The following DYM variants were observed in gnomAD, a reference collection of about 807,000 sequenced individuals.
DYM encodes dymeclin, also known as dyggve-Melchior-Clausen syndrome protein.
Under a neutral mutation model 93.1 loss-of-function variants are expected in DYM, and 78 were observed. That is an observed-to-expected ratio of 0.84 (90% CI 0.70 to 1.01). The LOEUF (loss-of-function observed/expected upper bound fraction) is 1.01. DYM is among the 50% of genes least tolerant of loss of function. The probability of loss-of-function intolerance (pLI) is 0.00; values close to 1 mark genes in which losing one functional copy is unlikely to be tolerated. For synonymous variants in DYM, 321 were observed against 319.7 expected (o/e 1.00, Z -0.04); for missense variants, 789 against 845.0 (o/e 0.93, Z 0.82).
At chr18:49,334,282 T>C (rs557500622) in intron 6 of DYM, among the ~76,000 whole-genome samples, 83 of 151,884 alleles carry the variant, frequency 5.5e-4, no homozygotes, top group African/African-American at 2.0e-3. Flanking sequence ...ATGTTGATGA[T>C]CACTTTACAA....
At chr18:49,452,881 T>C (rs1166322429) in intron 1 of DYM, among the ~76,000 whole-genome samples, 1 of 133,656 alleles carries the variant, frequency 7.5e-6, no homozygotes, top group Non-Finnish European at 1.6e-5. Flanking sequence ...GATACACCAA[T>C]CAGCACTCTG....
Position 49,258,424 on chromosome 18 carries a change from G to C in DYM, c.1321C>G (p.Leu441Val), listed in dbSNP as rs1270729248. 6.2e-7 allele frequency: 1 copy of C among 1,613,318 alleles called. No homozygotes were observed. Among genetic ancestry groups the C allele is most frequent in the South Asian group, 1.1e-5 (1 of 91,070 alleles). ...TATTGAATGGTTCTTATTACCACCA[G>C]GATCAGGAGACTCCCCAAGGAGATT... is the stretch of plus-strand genomic sequence containing the variant. ...TEISLGSLLI[L>V]VVIRTIQYNM... The change falls in exon 12 of 18, where the codon CTG (leucine) becomes GTG (valine). Residue 441 changes from leucine (L) to valine (V), a missense_variant. Transcript: ENST00000675505.
At chr18:49,405,234 T>C (rs1599971605) in intron 2 of DYM, among the ~76,000 whole-genome samples, 1 of 152,320 alleles carries the variant, frequency 6.6e-6, no homozygotes, top group South Asian at 2.1e-4. Context: ...GCTGTGCAGA[T>C]GCTCGTTAGT....
chr18:49,151,571 C>G (rs1048997075), intron 15 of DYM, among the ~76,000 whole-genome samples: 3 of 152,074 alleles, frequency 2.0e-5, no homozygotes, highest in Non-Finnish European at 4.4e-5. Flanking sequence ...TTTAATAACC[C>G]TCATAATAGC....
intron 6 of DYM, among the ~76,000 whole-genome samples, chr18:49,339,443 T>C (rs1232953140): frequency 2.0e-5 from 3 of 152,210 alleles, no homozygotes; most frequent in Non-Finnish European, 4.4e-5. Context: ...ACGATGTGTG[T>C]TGAGTAGCCC....
At chr18:49,118,182 A>G (rs1461631760) in intron 16 of DYM, among the ~76,000 whole-genome samples, 5 of 151,818 alleles carry the variant, frequency 3.3e-5, no homozygotes, top group Admixed American at 1.3e-4. Context: ...GCCCACAGGC[A>G]TAAATTCTAC....
intron 17 of DYM, among the ~76,000 whole-genome samples, chr18:49,077,144 A>C (rs2077372912): frequency 6.6e-6 from 1 of 152,210 alleles, no homozygotes; most frequent in South Asian, 2.1e-4. Flanking sequence ...TCACAAGATA[A>C]AATTTACTAA....
At chr18:49,227,631 G>A (rs958238177) in intron 13 of DYM, among the ~76,000 whole-genome samples, 3 of 152,128 alleles carry the variant, frequency 2.0e-5, no homozygotes, top group African/African-American at 7.2e-5. Flanking sequence ...GCTGGCAGGT[G>A]AGGATTGTGG....
chr18:49,144,592 G>GGTT (rs1247221720), intron 15 of DYM, among the ~76,000 whole-genome samples: 1 of 152,044 alleles, frequency 6.6e-6, no homozygotes, highest in Non-Finnish European at 1.5e-5. Flanking sequence ...GTAGAAATCT[G>GGTT]GTTGTTACAG....
chr18:49,054,375 G>C (rs558412832), intron 17 of DYM, among the ~76,000 whole-genome samples: 21 of 152,064 alleles, frequency 1.4e-4, no homozygotes, highest in Non-Finnish European at 3.1e-4. Flanking sequence ...TCAAGTAGCT[G>C]GGATTAGAGG....
At chr18:49,412,315 A>C (rs1244089190) in intron 2 of DYM, among the ~76,000 whole-genome samples, 3 of 151,984 alleles carry the variant, frequency 2.0e-5, no homozygotes, top group Non-Finnish European at 4.4e-5. Flanking sequence ...TAAAACTTAC[A>C]TGTCCCTTTA....
intron 15 of DYM, among the ~76,000 whole-genome samples, chr18:49,146,624 A>G (rs1398252103): frequency 6.6e-6 from 1 of 152,226 alleles, no homozygotes; most frequent in Non-Finnish European, 1.5e-5. Context: ...AATATCTAGG[A>G]ATCCAACTTA....
intron 8 of DYM, among the ~76,000 whole-genome samples, chr18:49,320,898 T>C (rs1183480350): frequency 2.6e-5 from 4 of 152,202 alleles, no homozygotes; most frequent in Non-Finnish European, 1.5e-5. Flanking sequence ...ACACAAGCTA[T>C]AGTTTGAGGA....
chr18:49,127,483 C>T (rs550790473), intron 15 of DYM, among the ~76,000 whole-genome samples: 2 of 152,206 alleles, frequency 1.3e-5, no homozygotes, highest in African/African-American at 4.8e-5. Context: ...TTAAGAGAAG[C>T]ATATGTATCT....
At chr18:49,068,732 TCAG>T (rs1176750769) in intron 17 of DYM, among the ~76,000 whole-genome samples, 1 of 152,188 alleles carries the variant, frequency 6.6e-6, no homozygotes, top group Non-Finnish European at 1.5e-5. Flanking sequence ...ATGCCCTCTC[TCAG>T]CAGAATAAAA....
At chr18:49,328,511 A>C (rs942223621) in intron 8 of DYM, among the ~76,000 whole-genome samples, 4 of 152,228 alleles carry the variant, frequency 2.6e-5, no homozygotes, top group Admixed American at 2.6e-4. Context: ...ACAGAATGGG[A>C]GAAAATTTTT....
intron 17 of DYM, among the ~76,000 whole-genome samples, chr18:49,050,753 C>T (rs1393356724): frequency 6.6e-6 from 1 of 152,132 alleles, no homozygotes; most frequent in Non-Finnish European, 1.5e-5. Context: ...TCTCGGCTCA[C>T]TGGCTTATTG....
At chr18:49,048,405 C>T (rs567586377) in intron 17 of DYM, 8 of 152,218 alleles carry the variant, frequency 5.3e-5, no homozygotes, top group South Asian at 2.1e-4. Flanking sequence ...TCTTACATTT[C>T]GATGTGGTAA....
intron 16 of DYM, among the ~76,000 whole-genome samples, chr18:49,115,793 G>A (rs537067203): frequency 3.9e-5 from 6 of 152,208 alleles, no homozygotes; most frequent in South Asian, 2.1e-4. Flanking sequence ...ATTCTTAGAC[G>A]AAATATTAGA....
Sources: gnomAD v4.1 joint callset for allele counts (sites outside exome capture counted in the v4.1 genomes callset) on GRCh38, gnomAD v4.1.1 for gene constraint, MANE v1.5 for transcripts, NCBI Gene and HGNC (gene_info 2026-07-23, HGNC 2026-07-21) for gene names.